The following REV3L variants were observed in gnomAD, a reference collection of about 807,000 sequenced individuals.
The protein encoded by REV3L is REV3 like, DNA directed polymerase zeta catalytic subunit, also known as DNA polymerase zeta catalytic subunit.
Under a neutral mutation model 299.4 loss-of-function variants are expected in REV3L, and 69 were observed. That is an observed-to-expected ratio of 0.23 (90% CI 0.19 to 0.28). The LOEUF (loss-of-function observed/expected upper bound fraction) is 0.28. Among genes scored for constraint, REV3L ranks in the 10% least tolerant of loss-of-function variants. The probability of loss-of-function intolerance (pLI) is 1.00; values close to 1 mark genes in which losing one functional copy is unlikely to be tolerated. For synonymous variants in REV3L, 1,238 were observed against 1,271.4 expected, an observed-to-expected ratio of 0.97 and a Z score of 0.56; for missense variants, 3,128 against 3,693.8, an observed-to-expected ratio of 0.85 and a Z score of 3.97.
chr6:111,418,616 T>A (rs1785006443), intron 1 of REV3L, among the ~76,000 whole-genome samples: 1 of 152,176 alleles, frequency 6.6e-6, no homozygotes, highest in African/African-American at 2.4e-5. Context: ...GTTCCCAAAG[T>A]CACATAACTA....
At chr6:111,471,655 G>A (rs931426146) in intron 1 of REV3L, among the ~76,000 whole-genome samples, 1 of 152,166 alleles carries the variant, frequency 6.6e-6, no homozygotes, top group Non-Finnish European at 1.5e-5. Flanking sequence ...ACTTTACAGA[G>A]GAGGAAATTA....
intron 1 of REV3L, among the ~76,000 whole-genome samples, chr6:111,433,680 G>A (rs1787206105): frequency 6.6e-6 from 1 of 152,074 alleles, no homozygotes; most frequent in Admixed American, 6.5e-5. Flanking sequence ...GAAGCAGAAG[G>A]AATACTTTCA....
chr6:111,408,010 C>T (rs1783826959), intron 3 of REV3L, among the ~76,000 whole-genome samples: 1 of 152,044 alleles, frequency 6.6e-6, no homozygotes, highest in African/African-American at 2.4e-5. Context: ...AGGAGAATGG[C>T]TAAATGAGAA....
In REV3L at chr6:111,313,386, G is replaced by A; in HGVS notation, c.8570C>T (p.Thr2857Ile). 6.2e-7 allele frequency: 1 copy of A among 1,613,052 alleles called. No homozygotes were observed. Among genetic ancestry groups the A allele is most frequent in the Admixed American group, 1.7e-5 (1 of 59,902 alleles). Residue 2857 changes from threonine to isoleucine, a missense_variant, in exon 28 of 32, where the codon ACA (threonine) becomes ATA (isoleucine). Around this residue, in one of 9 missense-constraint regions of REV3L, gnomAD observed 294 missense variants for 377.0 expected, o/e 0.78. Coordinates refer to ENST00000368802, the MANE Select transcript of REV3L (RefSeq NM_001372078.1). ...DPVFDAKGIE[T>I]VRRDSCPAVS... ...AGCAGGGCAGGAATCTCTTCTGACT[G>A]TTTCTATTCCTTTTGCATCAAATAC...
At position 111,452,093 on chromosome 6, in the gene REV3L, T is replaced by C. The variant is rs534148679; in HGVS notation, c.139+30657A>G. The stretch of plus-strand genomic sequence containing the variant: ...AAAGAAGATATGTGAATGGCAAATA[T>C]GCACACTAAAAGATGTTCAGATTCT... On this transcript the variant is annotated intron_variant, in intron 1 of 31. Coordinates refer to ENST00000368802, the MANE Select transcript of REV3L (RefSeq NM_001372078.1). Among the ~76,000 whole-genome samples the C allele has an allele frequency of 2.0e-5, 3 of 150,552 alleles. No homozygotes were observed. The East Asian group carries it at 5.8e-4, about 29-fold the overall frequency.
chr6:111,309,999 C>T lies in REV3L; in HGVS notation c.8896G>A (p.Val2966Ile). 6.2e-7 allele frequency: 1 copy of T among 1,613,836 alleles called. No homozygotes were observed. Among genetic ancestry groups the T allele is most frequent in the Non-Finnish European group, 8.5e-7 (1 of 1,179,884 alleles). The change falls in exon 30 of 32, where the codon GTA becomes ATA. Residue 2966 changes from valine to isoleucine, a missense_variant. Physicochemically the swap from Val to Ile is conservative, Grantham distance 29. This residue lies in a region of REV3L where 294 missense variants were observed against 377.0 expected (regional missense o/e 0.78). Coordinates refer to ENST00000368802, the MANE Select transcript of REV3L (RefSeq NM_001372078.1). ...TGCAGGACTTCCACTGGGCGCCTTA[C>T]AAGCTGGATAAGTGGTACTCCGGGG... is the stretch of plus-strand genomic sequence containing the variant. ...GTPGVPLIQL[V>I]RRPVEVLQDP...
Position 111,388,077 on chromosome 6 carries a change from A to G in REV3L, c.871T>C (p.Phe291Leu). The change falls in exon 8 of 32, where the codon TTT becomes CTT. Residue 291 changes from phenylalanine to leucine, a missense_variant. Around this residue, in one of 9 missense-constraint regions of REV3L, gnomAD observed 2,409 missense variants for 2,611.8 expected, o/e 0.92. Transcript: ENST00000368802. ...TTTTCACTTTCTGTTGCTGGCACAA[A>G]CCTGTGATCTTTGAATTTTAAAAGT... ...MSQPESQDHR[F>L]VPATESEKKF... 3 of 1,603,622 alleles carry G rather than the reference A, an allele frequency of 1.9e-6. No homozygotes were observed.
At chr6:111,469,508 G>T (rs889740360) in intron 1 of REV3L, among the ~76,000 whole-genome samples, 3 of 152,086 alleles carry the variant, frequency 2.0e-5, no homozygotes, top group Non-Finnish European at 4.4e-5. Flanking sequence ...CCCCTAATTA[G>T]CCCCACTCAG....
chr6:111,407,391 A>C (rs1488017671), intron 3 of REV3L, among the ~76,000 whole-genome samples: 2 of 152,200 alleles, frequency 1.3e-5, no homozygotes, highest in Non-Finnish European at 2.9e-5. Context: ...AATTCTAAGA[A>C]ACAACCATAG....
chr6:111,467,246 AG>A (rs1791621599), intron 1 of REV3L, among the ~76,000 whole-genome samples: 2 of 152,230 alleles, frequency 1.3e-5, no homozygotes, highest in Admixed American at 6.5e-5. Flanking sequence ...TCAAGGGAAA[AG>A]GTCAAAGTAC....
In REV3L at chr6:111,302,659, C is replaced by T. The variant is rs116436854; in HGVS notation, c.9253-2503G>A. ...GTGGCTCATGCCTGTAATCCTAGTACTCTGGGAGGCAGAGGCAGGTGGATC... is the reference window on the plus strand; with the variant it reads ...GTGGCTCATGCCTGTAATCCTAGTATTCTGGGAGGCAGAGGCAGGTGGATC... On this transcript the variant is annotated intron_variant, in intron 31 of 31. Coordinates refer to ENST00000368802, the MANE Select transcript of REV3L (RefSeq NM_001372078.1). Among the ~76,000 whole-genome samples the T allele has an allele frequency of 7.8e-3, 1,192 of 152,304 alleles. 12 individuals carry two copies. Among genetic ancestry groups the T allele is most frequent in the African/African-American group, 0.027 (1,129 of 41,568 alleles).
intron 1 of REV3L, among the ~76,000 whole-genome samples, chr6:111,420,975 TAAAAACAC>T (rs1238239155): frequency 6.6e-6 from 1 of 151,920 alleles, no homozygotes; most frequent in African/African-American, 2.4e-5. Context: ...CCCTCTCCAC[TAAAAACAC>T]AAAAAAATTA....
intron 18 of REV3L, among the ~76,000 whole-genome samples, chr6:111,355,286 A>C (rs549968092): frequency 6.6e-6 from 1 of 152,126 alleles, no homozygotes; most frequent in Non-Finnish European, 1.5e-5. Context: ...TATGTGCCAG[A>C]CCTGAGTTTA....
At chr6:111,396,880 A>G (rs960161836) in intron 4 of REV3L, among the ~76,000 whole-genome samples, 3 of 152,086 alleles carry the variant, frequency 2.0e-5, no homozygotes, top group East Asian at 1.9e-4. Flanking sequence ...AATGCGTCCA[A>G]AAATGTACAC....
rs1271890516 is a variant in REV3L at position 111,375,877 on chromosome 6, T to C, written c.2478A>G (p.Lys826=). The C allele has an allele frequency of 6.2e-7, 1 of 1,613,958 alleles. No individual in the cohort carries two copies. The highest frequency in any genetic ancestry group is 8.5e-7 in the Non-Finnish European group (1 of 1,179,916). Residue 826 remains lysine, a synonymous_variant, in exon 13 of 32, where the codon AAA becomes AAG. Transcript: ENST00000368802. Reference sequence around the variant, plus strand: ...TTTTATTCAATTTTAACCGGGATGGTTTATTGCCAGGTTGTAATTTATATG... The same window carrying C: ...TTTTATTCAATTTTAACCGGGATGGCTTATTGCCAGGTTGTAATTTATATG... ...PVTYKLQPGN[K]PSRLKLNKRK... is the part of the protein sequence containing the mutation.
chr6:111,417,007 A>C (rs1025040068), intron 1 of REV3L, among the ~76,000 whole-genome samples: 1 of 150,766 alleles, frequency 6.6e-6, no homozygotes, highest in Non-Finnish European at 1.5e-5. Flanking sequence ...TTTGCCATTA[A>C]AAGGAAAAAA....
chr6:111,481,120 A>G (rs946172304), intron 1 of REV3L, among the ~76,000 whole-genome samples: 2 of 152,228 alleles, frequency 1.3e-5, no homozygotes, highest in Non-Finnish European at 2.9e-5. Context: ...TTATGTGTGG[A>G]AAAGTAACTC....
rs1562287169 is a variant in REV3L, at chr6:111,422,619, TATATATATATACAC to T, written c.140-6161_140-6148del. 1.8e-3 allele frequency among the ~76,000 whole-genome samples: 52 copies of T among 28,964 alleles called. 5 individuals are homozygous for T. Among genetic ancestry groups the T allele is most frequent in the Non-Finnish European group, 3.8e-3 (32 of 8,496 alleles). 19.0% of individuals were successfully genotyped at this position (28,964 alleles called of 152,430 possible). Reference sequence around the variant, plus strand: ...ACACATATATATATATATACACATATATATATATATACACATATATATATATATACATATATATA... The same window carrying T: ...ACACATATATATATATATACACATATATATATATATATATACATATATATA... On this transcript the variant is annotated intron_variant, in intron 1 of 31. Transcript: ENST00000368802.
Position 111,482,835 on chromosome 6 carries a change from C to A in REV3L, c.54G>T (p.Gln18His). The A allele has an allele frequency of 6.6e-7, 1 of 1,507,548 alleles. No homozygotes were observed. The highest frequency in any genetic ancestry group is 8.8e-7 in the Non-Finnish European group (1 of 1,135,630). 93.4% of individuals were successfully genotyped at this position (1,507,548 alleles called of 1,614,324 possible). ...TADYYMASPL[Q>H]GLDTCQSPLT... is the part of the protein sequence containing the mutation. ...GGGGGGATTGGCAGGTATCCAGCCC[C>A]TGCAGCGGGCTGGCCATGTAGTAGT... The change falls in exon 1 of 32, where the codon CAG becomes CAT. Residue 18 changes from glutamine to histidine, a missense_variant. By Grantham distance (24) the Gln-to-His change is conservative (BLOSUM62 0). Coordinates refer to ENST00000368802, the MANE Select transcript of REV3L (RefSeq NM_001372078.1).
Sources: allele counts gnomAD v4.1 joint callset (sites outside exome capture counted in the v4.1 genomes callset), GRCh38; gene constraint gnomAD v4.1.1; regional missense constraint gnomAD v4.1.1; transcripts MANE v1.5; gene names NCBI Gene and HGNC (gene_info 2026-07-23, HGNC 2026-07-21).